MINDY2: variants seen among roughly 807,000 people sequenced by gnomAD.
MINDY2 encodes ubiquitin carboxyl-terminal hydrolase MINDY-2.
Under a neutral mutation model 68.2 loss-of-function variants are expected in MINDY2, and 52 were observed. That is an observed-to-expected ratio of 0.76 (90% CI 0.61 to 0.96). The LOEUF is 0.96. MINDY2 is among the 40% of genes least tolerant of loss of function. MINDY2 has a pLI of 0.00. For missense variants in MINDY2, 881 were observed against 773.4 expected (o/e 1.14, Z -1.65); for synonymous variants, 372 against 303.0 (o/e 1.23, Z -2.36).
At chr15:58,832,946 A>G (rs2031811950) in intron 6 of MINDY2, among the ~76,000 whole-genome samples, 1 of 152,184 alleles carries the variant, frequency 6.6e-6, no homozygotes, top group Non-Finnish European at 1.5e-5. Context: ...CTATTATTAA[A>G]CTTTAATGAC....
chr15:58,789,924 G>A (rs1358117976), intron 2 of MINDY2, among the ~76,000 whole-genome samples: 1 of 152,066 alleles, frequency 6.6e-6, no homozygotes, highest in Non-Finnish European at 1.5e-5. Context: ...TGGGATTGCA[G>A]GCGTGAGCCA....
intron 6 of MINDY2, among the ~76,000 whole-genome samples, chr15:58,846,845 A>G (rs1373537774): frequency 1.3e-5 from 2 of 152,184 alleles, no homozygotes; most frequent in African/African-American, 2.4e-5. Flanking sequence ...TTATTGGTGT[A>G]TAAAAGAAGA....
rs771047799 is a variant in MINDY2 at position 58,851,881 on chromosome 15, G to C, written c.1653G>C (p.Glu551Asp). 1 of 1,613,544 alleles carries C rather than the reference G, an allele frequency of 6.2e-7. No individual in the cohort carries two copies. ...TGGAACTAGCAAAGAAACTCCAAGA[G>C]GAAGAGGACAGACGGGCTTCTCAAT... ...SDLELAKKLQ[E>D]EEDRRASQYY... is the part of the protein sequence containing the mutation. Residue 551 changes from glutamate (E) to aspartate (D), a missense_variant, in exon 8 of 9, where the codon GAG becomes GAC. Physicochemically the swap from Glu to Asp is conservative, Grantham distance 45 (BLOSUM62 2). Transcript: ENST00000559228.
chr15:58,832,606 C>A (rs347114), intron 6 of MINDY2, among the ~76,000 whole-genome samples: 1,920 of 151,540 alleles, frequency 0.013, 37 homozygotes, highest in African/African-American at 0.037. Flanking sequence ...TTCAGTTCAC[C>A]GCAACCTCCG....
At chr15:58,852,317 T>C (rs1194662994) in intron 8 of MINDY2, among the ~76,000 whole-genome samples, 2 of 115,074 alleles carry the variant, frequency 1.7e-5, no homozygotes, top group Admixed American at 2.0e-4. Context: ...ATGATCACTT[T>C]AGCAGTAAAT....
intron 4 of MINDY2, among the ~76,000 whole-genome samples, chr15:58,816,984 A>G (rs1239317323): frequency 6.6e-6 from 1 of 152,144 alleles, no homozygotes; most frequent in African/African-American, 2.4e-5. Context: ...GAGGGGGAAA[A>G]AAAAGTTTAA....
chr15:58,859,977 C>T lies in MINDY2; in HGVS notation c.*5367C>T, dbSNP rs1212976363. ...CTAACACAGGTATTTTTTAGGGCAT[C>T]GTACTATCCCAGAGAAAGTGTTGAG... On this transcript the variant is annotated 3_prime_UTR_variant, in exon 9 of 9. Coordinates refer to ENST00000559228, the MANE Select transcript of MINDY2 (RefSeq NM_001040450.3). 1.3e-5 allele frequency: 2 copies of T among 152,108 alleles called. No individual in the cohort carries two copies. The highest frequency in any genetic ancestry group is 2.9e-5 in the Non-Finnish European group (2 of 68,026). 9.4% of individuals were successfully genotyped at this position (152,108 alleles called of 1,614,324 possible). A position where few individuals can be genotyped will look rare whatever the true frequency, so the allele number is the denominator to read the frequency against.
intron 3 of MINDY2, among the ~76,000 whole-genome samples, chr15:58,803,772 C>T (rs372761998): frequency 1.5e-4 from 23 of 151,780 alleles, no homozygotes; most frequent in East Asian, 5.8e-4. Context: ...GCCGAGATTG[C>T]GTCACTACAC....
At position 58,857,066 on chromosome 15, in the gene MINDY2, A is replaced by C. The variant is rs1249451717; in HGVS notation, c.*2456A>C. ...GAAAAACTAAAAAATGTAATGTGTT[A>C]ATTCAGCCTTTTTCTATGTAATATT... On this transcript the variant is annotated 3_prime_UTR_variant, in exon 9 of 9. Coordinates refer to ENST00000559228, the MANE Select transcript of MINDY2 (RefSeq NM_001040450.3). The C allele has an allele frequency of 1.3e-5, 2 of 152,190 alleles. No individual in the cohort carries two copies. Among genetic ancestry groups the C allele is most frequent in the Non-Finnish European group, 2.9e-5 (2 of 68,028 alleles). 9.4% of individuals were successfully genotyped at this position (152,190 alleles called of 1,614,324 possible).
At chr15:58,844,731 A>C (rs1008890707) in intron 6 of MINDY2, among the ~76,000 whole-genome samples, 1 of 151,846 alleles carries the variant, frequency 6.6e-6, no homozygotes, top group Non-Finnish European at 1.5e-5. Context: ...AGCCTGGCCA[A>C]CATGGTGAAA....
intron 8 of MINDY2, among the ~76,000 whole-genome samples, chr15:58,852,922 GTTTTTTTTTTTTTTT>G (rs746154698): frequency 6.5e-4 from 32 of 48,954 alleles, no homozygotes; most frequent in East Asian, 1.0e-3. Context: ...TGCTGTTCCT[GTTTTTTTTTTTTTTT>G]TTTTTTTTTT....
intron 4 of MINDY2, among the ~76,000 whole-genome samples, chr15:58,813,426 G>T (rs1241591938): frequency 1.3e-5 from 2 of 152,200 alleles, no homozygotes; most frequent in Non-Finnish European, 2.9e-5. Flanking sequence ...AACCCAAGAG[G>T]TGGCGGCTGC....
intron 8 of MINDY2, among the ~76,000 whole-genome samples, chr15:58,853,819 T>TAAAAA (rs10563818): frequency 1.4e-4 from 14 of 102,176 alleles, no homozygotes; most frequent in African/African-American, 4.6e-4. Flanking sequence ...TCCATCTCAA[T>TAAAAA]AAAAAAAAAA....
intron 8 of MINDY2, among the ~76,000 whole-genome samples, chr15:58,852,215 G>T (rs1181056914): frequency 7.2e-6 from 1 of 139,224 alleles, no homozygotes; most frequent in African/African-American, 2.6e-5. Flanking sequence ...TTGAACCTGG[G>T]AGGCAGAGGT....
intron 4 of MINDY2, among the ~76,000 whole-genome samples, chr15:58,814,410 A>G (rs1421780956): frequency 6.7e-6 from 1 of 148,524 alleles, no homozygotes; most frequent in East Asian, 2.0e-4. Context: ...TTTTTGACAC[A>G]GGGTCTTACT....
chr15:58,843,824 C>A, intron 6 of MINDY2, among the ~76,000 whole-genome samples: 1 of 91,526 alleles, frequency 1.1e-5, no homozygotes, highest in East Asian at 3.3e-4. Flanking sequence ...CAGAGTGAGA[C>A]TCTGTCTCAA....
At chr15:58,774,210 C>T (rs1262765830) in intron 1 of MINDY2, among the ~76,000 whole-genome samples, 4 of 152,066 alleles carry the variant, frequency 2.6e-5, no homozygotes, top group African/African-American at 4.8e-5. Flanking sequence ...AGGCCGGGCG[C>T]GGTGGCTCAC....
At position 58,851,849 on chromosome 15, in the gene MINDY2, A is replaced by G. The variant is rs772849267; in HGVS notation, c.1621A>G (p.Ser541Gly). ...TTGGGAACAAATCCCGGAAGGAATCAGTGATTTGGAACTAGCAAAGAAACT... is the reference window on the plus strand; with the variant it reads ...TTGGGAACAAATCCCGGAAGGAATCGGTGATTTGGAACTAGCAAAGAAACT... ...INWEQIPEGI[S>G]DLELAKKLQE... Residue 541 changes from serine (S) to glycine (G), a missense_variant, in exon 8 of 9, where the codon AGT becomes GGT. Ser to Gly is a moderately conservative substitution (Grantham distance 56, BLOSUM62 0). Transcript: ENST00000559228. 4 of 1,613,374 alleles carry G rather than the reference A, an allele frequency of 2.5e-6. No individual in the cohort carries two copies. The highest frequency in any genetic ancestry group is 3.4e-6 in the Non-Finnish European group (4 of 1,179,680).
chr15:58,829,488 C>T (rs1477157540), intron 5 of MINDY2, among the ~76,000 whole-genome samples: 24 of 152,254 alleles, frequency 1.6e-4, no homozygotes, highest in African/African-American at 5.5e-4. Context: ...AAAGAAGTAG[C>T]TGAGAAAGAC....
Sources: gnomAD v4.1 joint callset for allele counts (sites outside exome capture counted in the v4.1 genomes callset) on GRCh38, gnomAD v4.1.1 for gene constraint, MANE v1.5 for transcripts, NCBI Gene and HGNC (gene_info 2026-07-23, HGNC 2026-07-21) for gene names.